INPP4A: variants seen among roughly 807,000 people sequenced by gnomAD.
INPP4A encodes the protein inositol polyphosphate-4-phosphatase type I A.
A neutral mutation model predicts 119.8 loss-of-function variants in INPP4A; 33 were observed. That is an observed-to-expected ratio of 0.28 (90% CI 0.21 to 0.37). The LOEUF (loss-of-function observed/expected upper bound fraction) is 0.37, where lower values mean the gene tolerates loss of function less well. INPP4A is among the 10% of genes least tolerant of loss of function. The pLI is 1.00. For missense variants in INPP4A, 956 were observed against 1,289.9 expected (o/e 0.74, Z 3.97); for synonymous variants, 496 against 500.7 (o/e 0.99, Z 0.12).
rs749523968 is a variant in INPP4A, at chr2:98,589,305, A to T, written c.*1697A>T. The stretch of plus-strand genomic sequence containing the variant: ...TAAGTGTCAATTTCTGTTCACAGAC[A>T]GTTTGTTTTCAATATGGCTGATTTA... On this transcript the variant is annotated 3_prime_UTR_variant, in exon 25 of 25. Transcript: ENST00000409851. The T allele has an allele frequency of 5.4e-6, 1 of 186,212 alleles. No homozygotes were observed. Among genetic ancestry groups the T allele is most frequent in the Non-Finnish European group, 1.1e-5 (1 of 88,154 alleles). The allele number at this position is 186,212 out of a possible 1,614,324, so 11.5% of individuals were successfully genotyped here. A position where few individuals can be genotyped will look rare whatever the true frequency, so the allele number is the denominator to read the frequency against.
At chr2:98,527,162 C>G (rs781413058) in intron 4 of INPP4A, among the ~76,000 whole-genome samples, 21 of 152,164 alleles carry the variant, frequency 1.4e-4, no homozygotes, top group Non-Finnish European at 2.5e-4. Flanking sequence ...AAGGCAACAT[C>G]TTTGATGTTA....
chr2:98,546,644 G>C lies in INPP4A; in HGVS notation c.1113G>C (p.Lys371Asn). 1.9e-6 allele frequency: 3 copies of C among 1,613,964 alleles called. No homozygotes were observed. The highest frequency in any genetic ancestry group is 2.5e-6 in the Non-Finnish European group (3 of 1,179,804). ...CAGCAGCACACTGCCAAGGTTTTAA[G>C]TCAGGAGGTCTCCGCAAAAAGCTGC... ...GAPAAHCQGF[K>N]SGGLRKKLHK... The change falls in exon 13 of 25, where the codon AAG becomes AAC. Residue 371 changes from lysine (K) to asparagine (N), a missense_variant. Lys to Asn is a moderately conservative substitution (Grantham distance 94, BLOSUM62 0). Transcript: ENST00000409851. The surrounding 1 kb of genome is among the most constrained non-coding windows in gnomAD (Gnocchi z 4.2).
Position 98,552,826 on chromosome 2 carries a change from G to C in INPP4A, c.1204G>C (p.Asp402His). 6.2e-7 allele frequency: 1 copy of C among 1,613,854 alleles called. No homozygotes were observed. The highest frequency in any genetic ancestry group is 8.5e-7 in the Non-Finnish European group (1 of 1,179,766). The change falls in exon 14 of 25, where the codon GAT (aspartate) becomes CAT (histidine). Residue 402 changes from aspartate to histidine, a missense_variant. Coordinates refer to ENST00000409851, the MANE Select transcript of INPP4A (RefSeq NM_001134225.2). ...GCQSIIYIPQ[D>H]VVRAKEIIAQ... ...CCAGTCCATAATCTACATACCCCAG[G>C]ATGTTGTCAGAGCCAAGGAGATCAT...
Position 98,554,506 on chromosome 2 carries a change from G to A in INPP4A, c.1566+17G>A, listed in dbSNP as rs1694117627. On this transcript the variant is annotated intron_variant, in intron 15 of 24. Transcript: ENST00000409851. The surrounding 1 kb of genome is among the most constrained non-coding windows in gnomAD (Gnocchi z 4.7). ...GAGGAGTGGGTGAGTCTGCTGCTGT[G>A]GCTGTCATCCCACTGCTGAACTTGG... The A allele has an allele frequency of 6.2e-7, 1 of 1,606,574 alleles. No individual in the cohort carries two copies. The highest frequency in any genetic ancestry group is 1.3e-5 in the African/African-American group (1 of 74,952).
intron 1 of INPP4A, among the ~76,000 whole-genome samples, chr2:98,508,486 T>C (rs766662579): frequency 7.9e-5 from 12 of 152,208 alleles, no homozygotes; most frequent in Non-Finnish European, 1.3e-4. Context: ...CACTCAGAGA[T>C]AAGCCCAACT....
intron 13 of INPP4A, among the ~76,000 whole-genome samples, chr2:98,551,291 A>G (rs781358835): frequency 1.3e-5 from 2 of 152,184 alleles, no homozygotes; most frequent in Non-Finnish European, 2.9e-5. Context: ...TGTCTTTTTA[A>G]GATGAAATGG....
At chr2:98,445,914 T>C (rs1196969036) in intron 1 of INPP4A, among the ~76,000 whole-genome samples, 2 of 152,222 alleles carry the variant, frequency 1.3e-5, no homozygotes, top group Non-Finnish European at 2.9e-5. Context: ...GTGTCTTGTG[T>C]TGGGAACCTG....
At chr2:98,528,873 C>T (rs1022565398) in intron 4 of INPP4A, among the ~76,000 whole-genome samples, 3 of 151,948 alleles carry the variant, frequency 2.0e-5, no homozygotes, top group Non-Finnish European at 2.9e-5. Flanking sequence ...GTCAGGAGAT[C>T]GAGACCATCC....
intron 1 of INPP4A, among the ~76,000 whole-genome samples, chr2:98,464,524 G>A (rs1674340241): frequency 6.6e-6 from 1 of 152,236 alleles, no homozygotes; most frequent in African/African-American, 2.4e-5. Flanking sequence ...GTGCTAGCCA[G>A]TGTCTTTTTT....
intron 1 of INPP4A, among the ~76,000 whole-genome samples, chr2:98,463,111 G>A (rs1239411551): frequency 2.6e-5 from 4 of 152,138 alleles, no homozygotes; most frequent in Admixed American, 6.5e-5. Context: ...GAAAGTGCTG[G>A]GATTACAGAC....
rs577265180 is a variant in INPP4A at position 98,550,724 on chromosome 2, C to G, written c.1164-2062C>G. ...TAAACAGCACCTCTTTGAAATTTGC[C>G]TTTTCTTGCCCCTGCCATGTATATC... On this transcript the variant is annotated intron_variant, in intron 13 of 24. Transcript: ENST00000409851. Among the ~76,000 whole-genome samples the G allele has an allele frequency of 2.0e-5, 3 of 152,288 alleles. No individual in the cohort carries two copies. In the South Asian group the frequency reaches 6.2e-4, roughly 32 times the overall value.
chr2:98,518,123 T>C (rs1179563449), intron 1 of INPP4A, among the ~76,000 whole-genome samples: 1 of 152,262 alleles, frequency 6.6e-6, no homozygotes, highest in African/African-American at 2.4e-5. Flanking sequence ...ACCATTACTG[T>C]AAAAAGCAGA....
Position 98,545,976 on chromosome 2 carries a change from G to A in INPP4A, c.957G>A (p.Ser319=), listed in dbSNP as rs1467175520. ...TCCTATTCCATTTCTTAGGGCCCTC[G>A]TTTAAAGCAAGCAGTTTGAAAGCAG... is the stretch of plus-strand genomic sequence containing the variant. The part of the protein sequence containing the change: ...LTDLHQYRGP[S]FKASSLKADK... Residue 319 remains serine (S), a synonymous_variant, in exon 12 of 25, where the codon TCG becomes TCA. Transcript: ENST00000409851. 14 of 1,587,520 alleles carry A rather than the reference G, an allele frequency of 8.8e-6. No individual in the cohort carries two copies. The East Asian group carries it at 9.1e-5, about 10-fold the overall frequency.
intron 11 of INPP4A, among the ~76,000 whole-genome samples, chr2:98,545,681 C>T (rs748607310): frequency 2.0e-5 from 3 of 152,150 alleles, no homozygotes; most frequent in African/African-American, 7.2e-5. Context: ...AGCTGAGTCA[C>T]GGAAGGCGCA....
intron 24 of INPP4A, among the ~76,000 whole-genome samples, chr2:98,586,372 AT>A (rs1699951722): frequency 6.6e-6 from 1 of 151,924 alleles, no homozygotes. Flanking sequence ...AATGGTCTTC[AT>A]ACAATTTGAA....
At chr2:98,536,668 G>A (rs1398551706) in intron 7 of INPP4A, among the ~76,000 whole-genome samples, 1 of 152,220 alleles carries the variant, frequency 6.6e-6, no homozygotes, top group African/African-American at 2.4e-5. Context: ...AAAGACATCA[G>A]GATGTCAGTC....
intron 1 of INPP4A, among the ~76,000 whole-genome samples, chr2:98,464,573 C>G (rs185164982): frequency 1.8e-4 from 27 of 152,314 alleles, no homozygotes; most frequent in Admixed American, 1.4e-3. Context: ...TCTGCCCTGA[C>G]AGGGGCAGAG....
At chr2:98,477,671 G>A (rs749041587) in intron 1 of INPP4A, among the ~76,000 whole-genome samples, 2 of 152,188 alleles carry the variant, frequency 1.3e-5, no homozygotes, top group Non-Finnish European at 2.9e-5. Flanking sequence ...CAGTCCCTCC[G>A]TTAGTGACTA....
chr2:98,548,588 A>G (rs1312848314), intron 13 of INPP4A, among the ~76,000 whole-genome samples: 5 of 152,186 alleles, frequency 3.3e-5, no homozygotes, highest in African/African-American at 1.2e-4. Context: ...TCTGCATGTT[A>G]ACTTTAGAAT....
Sources: gnomAD v4.1 joint callset for allele counts (sites outside exome capture counted in the v4.1 genomes callset) on GRCh38, gnomAD v4.1.1 for gene constraint, Gnocchi (gnomAD v3.1) non-coding constraint, MANE v1.5 for transcripts, NCBI Gene and HGNC (gene_info 2026-07-23, HGNC 2026-07-21) for gene names.